The following DNAH3 variants were observed in gnomAD, a reference collection of about 807,000 sequenced individuals.
DNAH3 encodes the protein dynein axonemal heavy chain 3.
DNAH3 carries 332 observed loss-of-function variants against 432.5 expected under a neutral mutation model. The ratio of observed to expected loss-of-function variants is 0.77; its 90% CI spans 0.70 to 0.84. The LOEUF is 0.84. Ranked by LOEUF, DNAH3 falls within the 40% of genes least tolerant of loss-of-function variation. The pLI, the probability that DNAH3 is intolerant of heterozygous loss-of-function variation, is 0.00. For synonymous variants in DNAH3, 1,956 were observed against 1,900.2 expected (o/e 1.03, Z -0.76); for missense variants, 4,861 against 5,114.0 (o/e 0.95, Z 1.51).
chr16:21,062,740 C>T, intron 24 of DNAH3, 57 bp from the exon 25 acceptor site: 2 of 1,431,374 alleles, frequency 1.4e-6, no homozygotes, highest in Admixed American at 1.9e-5. Flanking sequence ...CTTTTTCTAG[C>T]AAGGTGATAC....
At chr16:21,084,990 TCC>T (rs980746745) in intron 19 of DNAH3, among the ~76,000 whole-genome samples, 1 of 138,490 alleles carries the variant, frequency 7.2e-6, no homozygotes, top group African/African-American at 2.7e-5. Flanking sequence ...CAGGTCAAAG[TCC>T]TAGTTAGGCT....
At chr16:20,983,107 C>T (rs2085991293) in intron 48 of DNAH3, among the ~76,000 whole-genome samples, 1 of 151,640 alleles carries the variant, frequency 6.6e-6, no homozygotes, top group African/African-American at 2.4e-5. Flanking sequence ...TACAATAGCC[C>T]CTTTTTAAAA....
At chr16:20,947,100 CA>C (rs1227938635) in intron 57 of DNAH3, among the ~76,000 whole-genome samples, 1 of 152,072 alleles carries the variant, frequency 6.6e-6, no homozygotes, top group African/African-American at 2.4e-5. Flanking sequence ...GCTGGGATTA[CA>C]GGCATGAGCC....
intron 44 of DNAH3, among the ~76,000 whole-genome samples, chr16:20,994,456 A>G (rs2086681329): frequency 6.6e-6 from 1 of 152,180 alleles, no homozygotes; most frequent in Non-Finnish European, 1.5e-5. Flanking sequence ...TTAATTAAAT[A>G]AAAAAATAAA....
At chr16:21,157,704 G>A (rs2092908326) in intron 1 of DNAH3, among the ~76,000 whole-genome samples, 1 of 152,164 alleles carries the variant, frequency 6.6e-6, no homozygotes, top group African/African-American at 2.4e-5. Flanking sequence ...GGTCAACACA[G>A]GTCCCTGTCT....
At chr16:20,953,390 C>T (rs1045884178) in intron 55 of DNAH3, among the ~76,000 whole-genome samples, 4 of 152,090 alleles carry the variant, frequency 2.6e-5, no homozygotes, top group Non-Finnish European at 5.9e-5. Flanking sequence ...AACTCCTGAT[C>T]GCAAGTGATC....
intron 44 of DNAH3, among the ~76,000 whole-genome samples, chr16:20,989,865 C>A (rs915088420): frequency 2.6e-5 from 4 of 152,252 alleles, no homozygotes; most frequent in Admixed American, 1.3e-4. Flanking sequence ...CCAGTACACC[C>A]TCCGCAGCCG....
chr16:21,037,773 G>A, exon 34 of DNAH3: 2 of 1,614,084 alleles, frequency 1.2e-6, no homozygotes, highest in Non-Finnish European at 1.7e-6. Context: ...GAAACAGAGG[G>A]ACATCTTGCG....
chr16:21,104,571 T>C, intron 15 of DNAH3: 2 of 1,607,754 alleles, frequency 1.2e-6, no homozygotes, highest in South Asian at 2.2e-5. Flanking sequence ...AGGAACAGAG[T>C]GCTGTTCAAT....
intron 37 of DNAH3, among the ~76,000 whole-genome samples, chr16:21,028,269 C>T (rs1469010365): frequency 6.6e-6 from 1 of 152,088 alleles, no homozygotes; most frequent in Non-Finnish European, 1.5e-5. Context: ...ATCTCAAACT[C>T]CTGGGCTCAA....
intron 48 of DNAH3, 39 bp downstream of exon 48, chr16:20,985,010 C>T: frequency 6.5e-7 from 1 of 1,531,970 alleles, no homozygotes; most frequent in East Asian, 2.3e-5. Flanking sequence ...CCCAAAACAC[C>T]CAGAAGAACA....
chr16:20,998,313 G>C lies in DNAH3; in HGVS notation c.6422-851C>G, dbSNP rs569556580. On this transcript the variant is annotated intron_variant, in intron 43 of 61. Transcript: ENST00000261383. The stretch of plus-strand genomic sequence containing the variant: ...TCTGTCACCCAGGCTGGAGTGCAGA[G>C]GTGTGATCTCAGCTCACTGCAACTT... Among the ~76,000 whole-genome samples the C allele has an allele frequency of 1.3e-4, 20 of 152,258 alleles. No individual in the cohort carries two copies. In the South Asian group the frequency reaches 4.2e-3, roughly 32 times the overall value.
chr16:20,987,045 A>G (rs888565194), intron 47 of DNAH3, among the ~76,000 whole-genome samples: 5 of 152,156 alleles, frequency 3.3e-5, no homozygotes, highest in African/African-American at 1.2e-4. Context: ...CATAATAAAC[A>G]TTCATTTATA....
intron 31 of DNAH3, among the ~76,000 whole-genome samples, chr16:21,048,998 C>CT (rs551831840): frequency 1.8e-3 from 261 of 143,252 alleles, no homozygotes; most frequent in African/African-American, 4.6e-3. Flanking sequence ...TCAGCCAAGA[C>CT]TTTTTTTTTT....
At chr16:20,995,744 G>T (rs1036939089) in intron 44 of DNAH3, among the ~76,000 whole-genome samples, 2 of 152,242 alleles carry the variant, frequency 1.3e-5, no homozygotes, top group East Asian at 3.9e-4. Flanking sequence ...CCTTGGAAGG[G>T]GACACCTGAC....
chr16:21,122,372 T>C (rs950955414), intron 9 of DNAH3, among the ~76,000 whole-genome samples: 2 of 152,002 alleles, frequency 1.3e-5, no homozygotes, highest in South Asian at 2.1e-4. Context: ...CTGGCCAACA[T>C]GGTGGAACCC....
intron 18 of DNAH3, among the ~76,000 whole-genome samples, chr16:21,094,191 CT>C (rs2091614566): frequency 6.6e-6 from 1 of 152,068 alleles, no homozygotes; most frequent in Non-Finnish European, 1.5e-5. Flanking sequence ...CCTCACAAAA[CT>C]CAACAGTAAG....
At chr16:21,139,613 A>C (rs1251415355) in intron 5 of DNAH3, among the ~76,000 whole-genome samples, 1 of 151,246 alleles carries the variant, frequency 6.6e-6, no homozygotes, top group Non-Finnish European at 1.5e-5. Flanking sequence ...AGTAGCTGGG[A>C]CCACAGATGC....
chr16:21,051,622 C>T (rs367988011), intron 29 of DNAH3, 48 bp downstream of exon 29: 33 of 1,581,042 alleles, frequency 2.1e-5, no homozygotes, highest in Non-Finnish European at 2.8e-5. Context: ...GTCTTCTTCC[C>T]CTGGAGTTCT....
Sources: allele counts gnomAD v4.1 joint callset (sites outside exome capture counted in the v4.1 genomes callset), GRCh38; gene constraint gnomAD v4.1.1; transcripts MANE v1.5; gene names NCBI Gene and HGNC (gene_info 2026-07-23, HGNC 2026-07-21).